Variants in BMPR1B observed in about 807,000 individuals in gnomAD.
BMPR1B encodes the protein bone morphogenetic protein receptor type-1B.
A neutral mutation model predicts 59.1 loss-of-function variants in BMPR1B; 12 were observed. The ratio of observed to expected loss-of-function variants is 0.20; its 90% CI spans 0.13 to 0.33. BMPR1B has a LOEUF of 0.33. Among genes scored for constraint, BMPR1B ranks in the 10% least tolerant of loss-of-function variants. BMPR1B has a pLI of 1.00. For synonymous variants in BMPR1B, 237 were observed against 207.3 expected (o/e 1.14, Z -1.23); for missense variants, 550 against 610.9 (o/e 0.90, Z 1.05).
At chr4:94,841,437 G>A (rs531121292) in intron 1 of BMPR1B, among the ~76,000 whole-genome samples, 8 of 152,220 alleles carry the variant, frequency 5.3e-5, no homozygotes, top group Admixed American at 3.9e-4. Flanking sequence ...AGGACCCTCC[G>A]AGCCAGGTGT....
chr4:95,036,423 C>A (rs1013893591), intron 3 of BMPR1B, among the ~76,000 whole-genome samples: 1 of 152,048 alleles, frequency 6.6e-6, no homozygotes, highest in African/African-American at 2.4e-5. Flanking sequence ...CGAAGTTCAT[C>A]GTTTTAGTTT....
chr4:94,889,660 T>G (rs957526015), intron 2 of BMPR1B, among the ~76,000 whole-genome samples: 1 of 152,082 alleles, frequency 6.6e-6, no homozygotes, highest in Non-Finnish European at 1.5e-5. Flanking sequence ...ATAGCCATAA[T>G]ATACCACAGC....
chr4:94,913,305 G>A (rs371896085), intron 2 of BMPR1B, among the ~76,000 whole-genome samples: 7 of 152,254 alleles, frequency 4.6e-5, no homozygotes, highest in African/African-American at 1.7e-4. Context: ...TGGTGTTAAC[G>A]AGACTTAAGA....
At chr4:95,097,443 A>G (rs371111907) in intron 3 of BMPR1B, among the ~76,000 whole-genome samples, 14 of 152,110 alleles carry the variant, frequency 9.2e-5, no homozygotes, top group East Asian at 5.8e-4. Context: ...TTGAAAGCCT[A>G]TAATTATTTA....
intron 2 of BMPR1B, among the ~76,000 whole-genome samples, chr4:94,989,664 A>C (rs1304360515): frequency 6.6e-6 from 1 of 152,186 alleles, no homozygotes; most frequent in Non-Finnish European, 1.5e-5. Context: ...TTGAAATTGT[A>C]TGGGAATTCA....
chr4:94,925,739 T>G (rs1728860162), intron 2 of BMPR1B, among the ~76,000 whole-genome samples: 1 of 152,166 alleles, frequency 6.6e-6, no homozygotes, highest in Non-Finnish European at 1.5e-5. Context: ...TTGTAAGGAC[T>G]TGAACCAACT....
intron 1 of BMPR1B, among the ~76,000 whole-genome samples, chr4:94,868,128 G>T (rs532430587): frequency 1.4e-4 from 21 of 151,692 alleles, no homozygotes; most frequent in African/African-American, 4.4e-4. Context: ...CTCCCAAAGT[G>T]CTGGGATTAC....
chr4:94,906,256 A>G (rs192932565), intron 2 of BMPR1B, among the ~76,000 whole-genome samples: 1 of 152,062 alleles, frequency 6.6e-6, no homozygotes, highest in Non-Finnish European at 1.5e-5. Flanking sequence ...GAAAATCTGT[A>G]TGGGTACATG....
chr4:95,050,240 G>A (rs534235383), intron 3 of BMPR1B, among the ~76,000 whole-genome samples: 1 of 152,200 alleles, frequency 6.6e-6, no homozygotes, highest in East Asian at 1.9e-4. Context: ...AAAGGGATAT[G>A]GATAAATATT....
intron 10 of BMPR1B, among the ~76,000 whole-genome samples, chr4:95,134,118 C>G (rs143694609): frequency 1.3e-5 from 2 of 152,064 alleles, no homozygotes; most frequent in Non-Finnish European, 2.9e-5. Context: ...TGAGAACATG[C>G]GATGTTTGGT....
intron 10 of BMPR1B, among the ~76,000 whole-genome samples, chr4:95,148,432 T>G (rs980836799): frequency 4.6e-5 from 7 of 152,094 alleles, no homozygotes; most frequent in Non-Finnish European, 8.8e-5. Context: ...TAACTTTTTT[T>G]AAGAGATGGC....
chr4:94,886,582 T>A (rs1727177932), intron 2 of BMPR1B, among the ~76,000 whole-genome samples: 1 of 152,232 alleles, frequency 6.6e-6, no homozygotes, highest in African/African-American at 2.4e-5. Context: ...TCCAGATAAC[T>A]GAAGACAGTG....
At chr4:94,933,098 T>C (rs1729157791) in intron 2 of BMPR1B, among the ~76,000 whole-genome samples, 1 of 152,148 alleles carries the variant, frequency 6.6e-6, no homozygotes, top group South Asian at 2.1e-4. Flanking sequence ...AAAAGATGTA[T>C]ATATAATGCT....
chr4:95,089,528 A>G (rs1816463), intron 3 of BMPR1B, among the ~76,000 whole-genome samples: 102,152 of 151,958 alleles, frequency 0.67, 34,496 homozygotes, highest in South Asian at 0.74. Context: ...CCACTGAGGT[A>G]TACTGGGTGT....
At chr4:94,946,798 C>T (rs1729729822) in intron 2 of BMPR1B, among the ~76,000 whole-genome samples, 1 of 152,064 alleles carries the variant, frequency 6.6e-6, no homozygotes, top group South Asian at 2.1e-4. Flanking sequence ...CATCTGTAAT[C>T]CCACCACTTT....
intron 3 of BMPR1B, among the ~76,000 whole-genome samples, chr4:95,102,340 A>G (rs1016437227): frequency 5.3e-5 from 8 of 152,176 alleles, no homozygotes; most frequent in African/African-American, 1.9e-4. Context: ...CAGCTGGTAA[A>G]TTCTGTGTGT....
chr4:94,888,306 A>G (rs1174474709), intron 2 of BMPR1B, among the ~76,000 whole-genome samples: 5 of 152,224 alleles, frequency 3.3e-5, no homozygotes, highest in African/African-American at 1.2e-4. Flanking sequence ...TGAGTATTTA[A>G]AAATAAATAA....
rs117946836 is a variant in BMPR1B at position 95,105,106 on chromosome 4, G to A, written c.143+539G>A. ...AAAATACTCTTTAATAGGTAATCAT[G>A]TTCTTATAGATACTTTATAACATTT... On this transcript the variant is annotated intron_variant, in intron 4 of 12. Coordinates refer to ENST00000515059, the MANE Select transcript of BMPR1B (RefSeq NM_001203.3). 4.1e-4 allele frequency among the ~76,000 whole-genome samples: 63 copies of A among 152,204 alleles called. No homozygotes were observed. The East Asian group carries it at 0.01, about 25-fold the overall frequency.
rs140348294 is a variant in BMPR1B, at chr4:95,062,311, C to G, written c.-17-42097C>G. On this transcript the variant is annotated intron_variant, in intron 3 of 12. Transcript: ENST00000515059. ...CTTCTGCTTTGATTTCCTATTTATTCTAATATATGCATTCTAATATTCTAA... is the reference window on the plus strand; with the variant it reads ...CTTCTGCTTTGATTTCCTATTTATTGTAATATATGCATTCTAATATTCTAA... Among the ~76,000 whole-genome samples, 455 of 152,196 alleles carry G rather than the reference C, an allele frequency of 3.0e-3. 5 individuals carry two copies. Among genetic ancestry groups the G allele is most frequent in the African/African-American group, 0.01 (433 of 41,532 alleles).
Sources: gnomAD v4.1 joint callset for allele counts (sites outside exome capture counted in the v4.1 genomes callset) on GRCh38, gnomAD v4.1.1 for gene constraint, MANE v1.5 for transcripts, NCBI Gene and HGNC (gene_info 2026-07-23, HGNC 2026-07-21) for gene names.